DYRK4: variants seen among roughly 807,000 people sequenced by gnomAD.
DYRK4 encodes dual specificity tyrosine-phosphorylation-regulated kinase 4.
In DYRK4, 64 loss-of-function variants were observed where a neutral mutation model predicts 68.3. That is an observed-to-expected ratio of 0.94 (90% confidence interval 0.77 to 1.15). The LOEUF is 1.15. Among genes scored for constraint, DYRK4 ranks in the 50% most tolerant of loss-of-function variants. The pLI is 0.00. For missense variants in DYRK4, 740 were observed against 764.7 expected (o/e 0.97, Z 0.38); for synonymous variants, 274 against 289.9 (o/e 0.95, Z 0.56).
chr12:4,609,109 C>T (rs1294328914), intron 12 of DYRK4, among the ~76,000 whole-genome samples: 6 of 152,186 alleles, frequency 3.9e-5, no homozygotes, highest in African/African-American at 1.4e-4. Flanking sequence ...GTACTAAAGA[C>T]ATAGGCATGT....
Position 4,613,483 on chromosome 12 carries a change from T to A in DYRK4, c.1667-32T>A. The A allele has an allele frequency of 6.3e-7, 1 of 1,587,682 alleles. No homozygotes were observed. Among genetic ancestry groups the A allele is most frequent in the African/African-American group, 1.3e-5 (1 of 74,434 alleles). On this transcript the variant is annotated intron_variant, in intron 14 of 14. Coordinates refer to ENST00000543431, the MANE Select transcript of DYRK4 (RefSeq NM_001394779.1). This position sits in a 1 kb window ranked among gnomAD's most constrained non-coding sequence, Gnocchi z 4.0. ...TAACATATAATCCACATTTGAATCT[T>A]GTTCCCTTCTGTCTTCTCTCTCCTT...
intron 2 of DYRK4, among the ~76,000 whole-genome samples, chr12:4,575,298 A>ATTGTGTGTGTGTGTGTGTGTGTGTGT (rs562026104): frequency 0.043 from 6,217 of 143,994 alleles, 197 homozygotes; most frequent in African/African-American, 0.054. Flanking sequence ...ACAATAACTT[A>ATTGTGTGTGTGTGTGTGTGTGTGTGT]CTGTGTGTGT....
intron 12 of DYRK4, 152 bp from the exon 13 acceptor site, chr12:4,610,003 A>AAT (rs1555124679): frequency 2.4e-6 from 1 of 415,136 alleles, no homozygotes; most frequent in Non-Finnish European, 4.3e-6. Flanking sequence ...TTTCAAACTG[A>AAT]GTGTGTGTGT....
intron 3 of DYRK4, 107 bp from the exon 4 acceptor site, chr12:4,590,222 TA>T: frequency 6.9e-7 from 1 of 1,446,962 alleles, no homozygotes; most frequent in Non-Finnish European, 9.0e-7. Context: ...AGATTGGGGT[TA>T]GGCTCATTCT....
intron 10 of DYRK4, chr12:4,602,255 C>G (rs1020713255): frequency 9.3e-7 from 1 of 1,075,234 alleles, no homozygotes; most frequent in Admixed American, 1.7e-5. Context: ...AAGACCTGCT[C>G]TCTTTTCTTT....
chr12:4,612,753 A>G, intron 14 of DYRK4, 35 bp downstream of exon 14: 2 of 1,606,972 alleles, frequency 1.2e-6, no homozygotes, highest in Non-Finnish European at 1.7e-6. Flanking sequence ...CTAGTCCCAC[A>G]GTCCGGGAAT....
chr12:4,579,429 C>T lies in DYRK4; in HGVS notation c.133-9508C>T, dbSNP rs886941886. On this transcript the variant is annotated intron_variant, in intron 2 of 14. Transcript: ENST00000543431. ...AGACAAAGTTTTCTTAAGCCATTGG[C>T]TAATGCCCAGCGTACCATTTCATGC... Among the ~76,000 whole-genome samples, 3 of 152,166 alleles carry T rather than the reference C, an allele frequency of 2.0e-5. 1 individual carries two copies. In the East Asian group the frequency reaches 5.8e-4, roughly 29 times the overall value.
In DYRK4 at chr12:4,604,950, C is replaced by A; in HGVS notation, c.1163C>A (p.Pro388Gln). Residue 388 changes from proline to glutamine, a missense_variant, in exon 11 of 15, where the codon CCA becomes CAA. Physicochemically the swap from Pro to Gln is moderately conservative, Grantham distance 76 (BLOSUM62 -1). Transcript: ENST00000543431. ...ATCCAAAGCCGGTTCTACCGATCCC[C>A]AGAAGTGATCCTGGGCCACCCCTAC... ...TYIQSRFYRS[P>Q]EVILGHPYDV... is the part of the protein sequence containing the mutation. 6.2e-7 allele frequency: 1 copy of A among 1,613,022 alleles called. No individual in the cohort carries two copies. Among genetic ancestry groups the A allele is most frequent in the Non-Finnish European group, 8.5e-7 (1 of 1,179,410 alleles).
chr12:4,596,568 G>A (rs531260375), intron 7 of DYRK4, 21 bp from the exon 8 acceptor site: 93 of 1,608,308 alleles, frequency 5.8e-5, no homozygotes, highest in South Asian at 3.1e-4. Flanking sequence ...CCACCCTGCC[G>A]GCCACTCCCA....
chr12:4,596,761 T>G (rs756855684), intron 8 of DYRK4, 32 bp downstream of exon 8: 1 of 1,610,506 alleles, frequency 6.2e-7, no homozygotes, highest in Non-Finnish European at 8.5e-7. Flanking sequence ...ACTCATTTTC[T>G]CTGGAAAAGT....
intron 2 of DYRK4, 75 bp downstream of exon 2, chr12:4,568,123 A>T (rs1944694967): frequency 7.4e-7 from 1 of 1,352,184 alleles, no homozygotes; most frequent in South Asian, 1.3e-5. Context: ...CCCAGTGCTG[A>T]TGGTTGTGCC....
chr12:4,588,003 C>T (rs1318874379), intron 2 of DYRK4, among the ~76,000 whole-genome samples: 1 of 152,208 alleles, frequency 6.6e-6, no homozygotes, highest in African/African-American at 2.4e-5. Flanking sequence ...ATTTGAGGGC[C>T]AGCTTTACAG....
At chr12:4,587,292 G>A (rs940750887) in intron 2 of DYRK4, among the ~76,000 whole-genome samples, 6 of 152,142 alleles carry the variant, frequency 3.9e-5, no homozygotes, top group Non-Finnish European at 7.4e-5. Context: ...CTCTCTACCC[G>A]TCCTCTCGGT....
intron 10 of DYRK4, chr12:4,603,334 T>C: frequency 1.6e-6 from 1 of 613,436 alleles, no homozygotes; most frequent in Middle Eastern, 3.8e-4. Context: ...TTTTTTCATT[T>C]TCATTAGTTA....
chr12:4,602,414 G>T, intron 10 of DYRK4: 1 of 955,864 alleles, frequency 1.0e-6, no homozygotes, highest in Non-Finnish European at 1.7e-6. Flanking sequence ...AGTATGTTGA[G>T]GTCACTGATG....
intron 14 of DYRK4, 54 bp downstream of exon 14, chr12:4,612,772 T>G: frequency 6.3e-7 from 1 of 1,576,394 alleles, no homozygotes; most frequent in South Asian, 1.1e-5. Context: ...ATTAATATTC[T>G]AGAATTCTGT....
chr12:4,599,270 C>CA, intron 9 of DYRK4, 104 bp downstream of exon 9: 2 of 459,414 alleles, frequency 4.4e-6, no homozygotes, highest in South Asian at 2.7e-5. Flanking sequence ...TTGCCTTTGA[C>CA]TTTTTTTTTT....
chr12:4,570,587 C>G (rs1002249049), intron 2 of DYRK4, among the ~76,000 whole-genome samples: 9 of 152,146 alleles, frequency 5.9e-5, no homozygotes, highest in African/African-American at 1.7e-4. Flanking sequence ...ATCCCTTCAT[C>G]TAAAAAAACA....
At chr12:4,575,218 A>G (rs1944774866) in intron 2 of DYRK4, among the ~76,000 whole-genome samples, 1 of 151,562 alleles carries the variant, frequency 6.6e-6, no homozygotes, top group Non-Finnish European at 1.5e-5. Flanking sequence ...AGTAGTGTGC[A>G]CACATTTCAG....
Sources: allele counts gnomAD v4.1 joint callset (sites outside exome capture counted in the v4.1 genomes callset), GRCh38; gene constraint gnomAD v4.1.1; non-coding constraint Gnocchi (gnomAD v3.1); transcripts MANE v1.5; gene names NCBI Gene and HGNC (gene_info 2026-07-23, HGNC 2026-07-21).